Variants in PCDH9 observed in about 807,000 individuals in gnomAD.
PCDH9 encodes protocadherin 9, also known as protocadherin-9.
Under a neutral mutation model 70.6 loss-of-function variants are expected in PCDH9, and 24 were observed. The ratio of observed to expected loss-of-function variants is 0.34; its 90% CI spans 0.25 to 0.48. The LOEUF is 0.48. PCDH9 is among the 20% of genes least tolerant of loss of function. PCDH9 has a pLI of 0.99. For synonymous variants in PCDH9, 562 were observed against 558.5 expected (o/e 1.01, Z -0.09); for missense variants, 1,281 against 1,503.6 (o/e 0.85, Z 2.45).
intron 3 of PCDH9, among the ~76,000 whole-genome samples, chr13:66,710,115 T>C (rs554533957): frequency 4.6e-5 from 7 of 152,302 alleles, no homozygotes; most frequent in African/African-American, 1.7e-4. Context: ...ACACATTGAC[T>C]ACACAGTCTG....
chr13:66,547,571 A>G (rs1046063339), intron 4 of PCDH9, among the ~76,000 whole-genome samples: 7 of 152,120 alleles, frequency 4.6e-5, no homozygotes, highest in Non-Finnish European at 1.0e-4. Context: ...CTTGTTTTAG[A>G]ATATAGTCTT....
chr13:66,564,062 A>T (rs1423252891), intron 4 of PCDH9, among the ~76,000 whole-genome samples: 1 of 152,166 alleles, frequency 6.6e-6, no homozygotes, highest in Non-Finnish European at 1.5e-5. Flanking sequence ...CAATTGTGGG[A>T]GAAAATTGTT....
At chr13:66,479,149 A>G (rs1169507574) in intron 4 of PCDH9, among the ~76,000 whole-genome samples, 1 of 152,200 alleles carries the variant, frequency 6.6e-6, no homozygotes, top group Non-Finnish European at 1.5e-5. Context: ...ATGAAAGCCT[A>G]TCTTTTGAGA....
At chr13:66,671,021 G>C (rs577964763) in intron 3 of PCDH9, among the ~76,000 whole-genome samples, 2 of 152,034 alleles carry the variant, frequency 1.3e-5, no homozygotes, top group Admixed American at 1.3e-4. Context: ...GGGACCTGTT[G>C]GGAGGTAATT....
chr13:66,683,500 G>A (rs1261713462), intron 3 of PCDH9, among the ~76,000 whole-genome samples: 4 of 152,032 alleles, frequency 2.6e-5, no homozygotes, highest in African/African-American at 9.7e-5. Context: ...CTGGTCCAAG[G>A]GATGCATTCA....
chr13:66,519,962 A>G (rs2138606378), intron 4 of PCDH9, among the ~76,000 whole-genome samples: 1 of 152,242 alleles, frequency 6.6e-6, no homozygotes, highest in South Asian at 2.1e-4. Flanking sequence ...ACTGACGTGT[A>G]TTTTCTGTTA....
At chr13:67,081,848 TTAAC>T (rs1208669027) in intron 2 of PCDH9, among the ~76,000 whole-genome samples, 6 of 152,160 alleles carry the variant, frequency 3.9e-5, no homozygotes, top group African/African-American at 1.4e-4. Context: ...AATCAGGAGT[TTAAC>T]TATTTTTCTT....
At chr13:66,405,042 T>C (rs1957256158) in intron 4 of PCDH9, among the ~76,000 whole-genome samples, 1 of 152,196 alleles carries the variant, frequency 6.6e-6, no homozygotes. Flanking sequence ...CTGATAAAGA[T>C]GGGCTGACAT....
chr13:66,482,133 T>C (rs1394348197), intron 4 of PCDH9, among the ~76,000 whole-genome samples: 2 of 152,112 alleles, frequency 1.3e-5, no homozygotes, highest in African/African-American at 2.4e-5. Context: ...ACAGTAACAA[T>C]AGAATTGTAA....
intron 4 of PCDH9, among the ~76,000 whole-genome samples, chr13:66,381,655 A>G (rs557349365): frequency 1.3e-5 from 2 of 152,368 alleles, no homozygotes; most frequent in Non-Finnish European, 2.9e-5. Flanking sequence ...TCAGTAAAGC[A>G]AACAAAGGCG....
At chr13:66,405,695 G>A (rs1957268555) in intron 4 of PCDH9, among the ~76,000 whole-genome samples, 1 of 152,142 alleles carries the variant, frequency 6.6e-6, no homozygotes, top group African/African-American at 2.4e-5. Flanking sequence ...AAGGAAAGGT[G>A]TATGTGTCCA....
intron 3 of PCDH9, among the ~76,000 whole-genome samples, chr13:66,668,156 C>A (rs538303690): frequency 6.6e-6 from 1 of 152,168 alleles, no homozygotes; most frequent in South Asian, 2.1e-4. Flanking sequence ...TTCATGTGAT[C>A]TGAGTAAGGC....
At chr13:66,405,259 A>G (rs1377654096) in intron 4 of PCDH9, among the ~76,000 whole-genome samples, 1 of 152,142 alleles carries the variant, frequency 6.6e-6, no homozygotes, top group South Asian at 2.1e-4. Context: ...TTCTCATATA[A>G]AAGATTTAAC....
chr13:66,835,042 C>G (rs1450029198), intron 3 of PCDH9, among the ~76,000 whole-genome samples: 2 of 152,170 alleles, frequency 1.3e-5, no homozygotes, highest in African/African-American at 4.8e-5. Flanking sequence ...CATATGCAGG[C>G]TTTACTGGGC....
intron 2 of PCDH9, among the ~76,000 whole-genome samples, chr13:67,127,322 TA>T (rs541010549): frequency 1.4e-3 from 214 of 152,284 alleles, no homozygotes; most frequent in African/African-American, 2.9e-3. Flanking sequence ...ATTTTGTCTG[TA>T]CATAGCGGTC....
intron 4 of PCDH9, among the ~76,000 whole-genome samples, chr13:66,458,443 A>G (rs1479325779): frequency 6.6e-6 from 1 of 152,068 alleles, no homozygotes; most frequent in African/African-American, 2.4e-5. Context: ...CAACCTTAGG[A>G]AGCCACATCT....
chr13:66,423,645 A>G (rs1033181772), intron 4 of PCDH9, among the ~76,000 whole-genome samples: 3 of 152,040 alleles, frequency 2.0e-5, no homozygotes, highest in African/African-American at 7.2e-5. Context: ...TGCTAAAAAC[A>G]CTCAATAAAC....
chr13:66,406,726 C>T (rs954936770), intron 4 of PCDH9, among the ~76,000 whole-genome samples: 1 of 152,124 alleles, frequency 6.6e-6, no homozygotes, highest in African/African-American at 2.4e-5. Context: ...TCATTCACCA[C>T]TGAATCATCA....
intron 2 of PCDH9, among the ~76,000 whole-genome samples, chr13:66,960,653 A>G (rs2083331247): frequency 6.6e-6 from 1 of 152,170 alleles, no homozygotes; most frequent in Admixed American, 6.5e-5. Flanking sequence ...TTGATGTTAC[A>G]ATTATTACTT....
Sources: allele counts gnomAD v4.1 joint callset (sites outside exome capture counted in the v4.1 genomes callset), GRCh38; gene constraint gnomAD v4.1.1; transcripts MANE v1.5; gene names NCBI Gene and HGNC (gene_info 2026-07-23, HGNC 2026-07-21).